The following ZNF609 variants were observed in gnomAD, a reference collection of about 807,000 sequenced individuals.
The protein encoded by ZNF609 is zinc finger protein 609.
A neutral mutation model predicts 109.5 loss-of-function variants in ZNF609; 11 were observed. The observed-to-expected ratio is 0.10, with a 90% CI of 0.06 to 0.17. ZNF609 has a LOEUF of 0.17. ZNF609 is among the 10% of genes least tolerant of loss of function. The probability of loss-of-function intolerance (pLI) is 1.00; values close to 1 mark genes in which losing one functional copy is unlikely to be tolerated. For missense variants in ZNF609, 1,559 were observed against 1,772.4 expected, an observed-to-expected ratio of 0.88 and a Z score of 2.16; for synonymous variants, 646 against 662.0, an observed-to-expected ratio of 0.98 and a Z score of 0.37.
chr15:64,526,813 T>C (rs1301020073), intron 2 of ZNF609, among the ~76,000 whole-genome samples: 1 of 152,124 alleles, frequency 6.6e-6, no homozygotes, highest in East Asian at 1.9e-4. Flanking sequence ...ATTTTTGTTG[T>C]TGTTTTTTGT....
At chr15:64,641,398 G>A (rs1896255641) in intron 3 of ZNF609, among the ~76,000 whole-genome samples, 1 of 150,418 alleles carries the variant, frequency 6.6e-6, no homozygotes, top group Non-Finnish European at 1.5e-5. Flanking sequence ...TGTATTTTTA[G>A]TAGAGATGGG....
chr15:64,632,971 A>G (rs1896108311), intron 3 of ZNF609, among the ~76,000 whole-genome samples: 1 of 149,480 alleles, frequency 6.7e-6, no homozygotes, highest in Non-Finnish European at 1.5e-5. Context: ...TTTTGTAGAG[A>G]TGGGGTCTCA....
chr15:64,535,205 C>T (rs1567007714), intron 2 of ZNF609, among the ~76,000 whole-genome samples: 1 of 152,092 alleles, frequency 6.6e-6, no homozygotes, highest in African/African-American at 2.4e-5. Flanking sequence ...CATGCCACCA[C>T]CCCTGATTAA....
chr15:64,570,764 A>G (rs618228), intron 2 of ZNF609, among the ~76,000 whole-genome samples: 131,752 of 152,164 alleles, frequency 0.87, 58,305 homozygotes, highest in East Asian at 0.96. Flanking sequence ...AGTGGCTCAC[A>G]CCTGTTATCC....
At chr15:64,546,204 C>G (rs1894356974) in intron 2 of ZNF609, among the ~76,000 whole-genome samples, 1 of 152,146 alleles carries the variant, frequency 6.6e-6, no homozygotes. Context: ...GGCTATACAT[C>G]TTAGTCACTG....
At chr15:64,586,065 C>T (rs1039418884) in intron 2 of ZNF609, among the ~76,000 whole-genome samples, 1 of 152,092 alleles carries the variant, frequency 6.6e-6, no homozygotes, top group Admixed American at 6.5e-5. Context: ...TGGCTCATGC[C>T]TGTAATCCCA....
intron 3 of ZNF609, among the ~76,000 whole-genome samples, chr15:64,645,659 TA>T (rs1370067460): frequency 1.3e-5 from 2 of 152,100 alleles, no homozygotes; most frequent in Non-Finnish European, 2.9e-5. Flanking sequence ...ATATCTAGAA[TA>T]AAGAACTCCT....
At chr15:64,609,112 C>CTTTCTTTCTTTCTTTCTTTCTTTCT (rs1567028276) in intron 2 of ZNF609, among the ~76,000 whole-genome samples, 5 of 34,712 alleles carry the variant, frequency 1.4e-4, no homozygotes, top group African/African-American at 3.0e-4. Context: ...TTCTTTCTTT[C>CTTTCTTTCTTTCTTTCTTTCTTTCT]TTTCTTTCTT....
chr15:64,593,392 TTAAA>T (rs767193986), intron 2 of ZNF609: 88 of 781,990 alleles, frequency 1.1e-4, no homozygotes, highest in African/African-American at 1.1e-3. Context: ...GAAATTGTAC[TTAAA>T]TAAATAAATA....
At chr15:64,612,562 T>G (rs1895734216) in intron 2 of ZNF609, among the ~76,000 whole-genome samples, 1 of 152,018 alleles carries the variant, frequency 6.6e-6, no homozygotes, top group Non-Finnish European at 1.5e-5. Context: ...TTAACCAGAT[T>G]TATAATCAAA....
chr15:64,673,892 C>T lies in ZNF609; in HGVS notation c.1062-24C>T, dbSNP rs377488989. The T allele has an allele frequency of 7.5e-5, 119 of 1,592,502 alleles. No homozygotes were observed. In the African/African-American group the frequency reaches 1.5e-3, roughly 20 times the overall value. On this transcript the variant is annotated intron_variant, in intron 4 of 9. Coordinates refer to ENST00000326648, the MANE Select transcript of ZNF609 (RefSeq NM_015042.2). ...GATGTTTTCTCTTCTTAATAATATT[C>T]TGTTGTGTTTATCCTTTGCCAAGGT...
chr15:64,487,640 AT>A (rs991422390), intron 1 of ZNF609, among the ~76,000 whole-genome samples: 9 of 147,118 alleles, frequency 6.1e-5, no homozygotes, highest in East Asian at 2.0e-4. Context: ...TTTTGTTTTA[AT>A]TTTTTTTTTG....
At chr15:64,580,986 G>C (rs1895094574) in intron 2 of ZNF609, among the ~76,000 whole-genome samples, 1 of 67,340 alleles carries the variant, frequency 1.5e-5, no homozygotes, top group African/African-American at 8.0e-5. Flanking sequence ...TTTTTTTTGA[G>C]ACAGTCTCGC....
intron 2 of ZNF609, among the ~76,000 whole-genome samples, chr15:64,560,863 G>A (rs959118510): frequency 5.3e-5 from 8 of 152,070 alleles, no homozygotes; most frequent in East Asian, 1.9e-4. Flanking sequence ...GGCTTTATAC[G>A]AACCTGTGAA....
upstream of ZNF609, among the ~76,000 whole-genome samples, chr15:64,460,401 T>A (rs1199015370): frequency 2.0e-5 from 3 of 152,188 alleles, no homozygotes; most frequent in African/African-American, 7.2e-5. Context: ...CAGCATTCCC[T>A]GAGCTAAGAC....
chr15:64,593,245 T>C (rs1179105658), intron 2 of ZNF609: 1 of 1,531,184 alleles, frequency 6.5e-7, no homozygotes, highest in Non-Finnish European at 8.9e-7. Context: ...ATCGATCTCG[T>C]GAAGCCCGCA....
At chr15:64,665,292 G>A (rs553322671) in intron 3 of ZNF609, among the ~76,000 whole-genome samples, 1 of 152,322 alleles carries the variant, frequency 6.6e-6, no homozygotes, top group East Asian at 1.9e-4. Flanking sequence ...ATCCATTAGA[G>A]ATAGCTGTGT....
chr15:64,556,651 C>G (rs948909226), intron 2 of ZNF609, among the ~76,000 whole-genome samples: 3 of 152,148 alleles, frequency 2.0e-5, no homozygotes, highest in Non-Finnish European at 4.4e-5. Context: ...CACTGCTTTA[C>G]TAGTCTTTCA....
intron 1 of ZNF609, among the ~76,000 whole-genome samples, chr15:64,491,738 G>A (rs1220893850): frequency 3.3e-5 from 5 of 152,076 alleles, no homozygotes; most frequent in Admixed American, 6.6e-5. Flanking sequence ...CCAGCTACTC[G>A]GGAGGCTGAG....
Sources: allele counts gnomAD v4.1 joint callset (sites outside exome capture counted in the v4.1 genomes callset), GRCh38; gene constraint gnomAD v4.1.1; transcripts MANE v1.5; gene names NCBI Gene and HGNC (gene_info 2026-07-23, HGNC 2026-07-21).